Variants in AGBL1 observed in about 807,000 individuals in gnomAD.
The protein encoded by AGBL1 is AGBL carboxypeptidase 1.
A neutral mutation model predicts 118.9 loss-of-function variants in AGBL1; 130 were observed. The ratio of observed to expected loss-of-function variants is 1.09; its 90% CI spans 0.95 to 1.26. The LOEUF (loss-of-function observed/expected upper bound fraction) is 1.26, where lower values mean the gene tolerates loss of function less well. AGBL1 is among the 50% of genes most tolerant of loss of function. The pLI, the probability that AGBL1 is intolerant of heterozygous loss-of-function variation, is 0.00. For missense variants in AGBL1, 1,584 were observed against 1,298.1 expected (o/e 1.22, Z -3.38); for synonymous variants, 555 against 478.9 (o/e 1.16, Z -2.08).
intron 17 of AGBL1, among the ~76,000 whole-genome samples, chr15:86,327,230 C>T (rs2080197783): frequency 6.6e-6 from 1 of 152,092 alleles, no homozygotes; most frequent in South Asian, 2.1e-4. Context: ...GTGTGCATGA[C>T]AAGGGAGTGG....
chr15:86,210,784 T>G (rs1324032697), intron 5 of AGBL1, among the ~76,000 whole-genome samples: 1 of 152,168 alleles, frequency 6.6e-6, no homozygotes, highest in East Asian at 1.9e-4. Context: ...TCAGGGAAGT[T>G]TGTTATTACT....
At chr15:86,355,791 G>C (rs527837715) in intron 17 of AGBL1, among the ~76,000 whole-genome samples, 1 of 152,092 alleles carries the variant, frequency 6.6e-6, no homozygotes, top group Non-Finnish European at 1.5e-5. Context: ...ATCAACACTG[G>C]GCCTATCCTT....
intron 17 of AGBL1, among the ~76,000 whole-genome samples, chr15:86,376,231 C>G (rs2081039551): frequency 6.6e-6 from 1 of 152,146 alleles, no homozygotes; most frequent in Non-Finnish European, 1.5e-5. Context: ...AGAAGAAGGT[C>G]AGTGTTAGGG....
intron 21 of AGBL1, among the ~76,000 whole-genome samples, chr15:86,618,197 G>A (rs2084757425): frequency 6.6e-6 from 1 of 152,074 alleles, no homozygotes; most frequent in South Asian, 2.1e-4. Context: ...TTTAAATAAA[G>A]AAACAGGAGG....
At chr15:86,710,296 T>G (rs1038526502) in intron 22 of AGBL1, among the ~76,000 whole-genome samples, 2 of 152,166 alleles carry the variant, frequency 1.3e-5, no homozygotes, top group Non-Finnish European at 2.9e-5. Flanking sequence ...GATTAGAGAA[T>G]TCATCGCTTT....
chr15:86,104,023 C>T (rs779800876), intron 1 of AGBL1, among the ~76,000 whole-genome samples: 3 of 152,232 alleles, frequency 2.0e-5, no homozygotes, highest in Admixed American at 6.5e-5. Flanking sequence ...GAGGGCCAGT[C>T]TTGAGGCACA....
chr15:86,502,869 T>G (rs1014653446), intron 18 of AGBL1, among the ~76,000 whole-genome samples: 1 of 151,478 alleles, frequency 6.6e-6, no homozygotes, highest in African/African-American at 2.4e-5. Flanking sequence ...AGGGACACTG[T>G]TCTGTAGCTT....
chr15:86,717,747 T>C (rs1175778317), intron 22 of AGBL1, among the ~76,000 whole-genome samples: 1 of 152,098 alleles, frequency 6.6e-6, no homozygotes, highest in African/African-American at 2.4e-5. Context: ...GATTATAGTA[T>C]CACAGCCATA....
chr15:86,773,100 T>C (rs149474673), intron 22 of AGBL1, among the ~76,000 whole-genome samples: 1 of 152,202 alleles, frequency 6.6e-6, no homozygotes, highest in East Asian at 1.9e-4. Flanking sequence ...TCTTGGCTTT[T>C]TGTCCATGGT....
exon 25 of AGBL1, chr15:87,028,923 C>A (rs1389016406): frequency 2.1e-6 from 3 of 1,452,870 alleles, no homozygotes; most frequent in African/African-American, 2.8e-5. Context: ...ATATCTGAAA[C>A]CTTCAAGATG....
At chr15:86,424,856 G>C (rs1246865073) in intron 18 of AGBL1, among the ~76,000 whole-genome samples, 2 of 152,188 alleles carry the variant, frequency 1.3e-5, no homozygotes, top group Non-Finnish European at 2.9e-5. Flanking sequence ...TCTCATGCCA[G>C]TTAGACTGGC....
intron 21 of AGBL1, among the ~76,000 whole-genome samples, chr15:86,658,657 G>A (rs1206752693): frequency 6.6e-6 from 1 of 152,178 alleles, no homozygotes; most frequent in East Asian, 1.9e-4. Context: ...ATAGGTATCA[G>A]CAACACTCAG....
chr15:86,868,603 G>C (rs2079672344), intron 22 of AGBL1, among the ~76,000 whole-genome samples: 1 of 152,190 alleles, frequency 6.6e-6, no homozygotes, highest in African/African-American at 2.4e-5. Context: ...GGCGTGTAAA[G>C]CATTCGTGAA....
chr15:86,704,870 T>G (rs1221714336), intron 22 of AGBL1, among the ~76,000 whole-genome samples: 1 of 152,158 alleles, frequency 6.6e-6, no homozygotes, highest in African/African-American at 2.4e-5. Flanking sequence ...TAGCAAAGAC[T>G]TGGAACCAAC....
intron 1 of AGBL1, among the ~76,000 whole-genome samples, chr15:86,134,413 G>A (rs970997900): frequency 3.9e-5 from 6 of 152,148 alleles, no homozygotes; most frequent in African/African-American, 9.7e-5. Context: ...TTATGGGCTT[G>A]TTCTTTCAGT....
chr15:86,987,945 A>G, intron 23 of AGBL1: 1 of 1,592,352 alleles, frequency 6.3e-7, no homozygotes. Flanking sequence ...ACTATGGTTT[A>G]TTTTCACCAA....
At chr15:86,752,048 A>G (rs1376766752) in intron 22 of AGBL1, among the ~76,000 whole-genome samples, 1 of 152,132 alleles carries the variant, frequency 6.6e-6, no homozygotes, top group Admixed American at 6.6e-5. Context: ...TATGGAATAA[A>G]TTAGCTTTCA....
intron 22 of AGBL1, among the ~76,000 whole-genome samples, chr15:86,896,135 A>G (rs986695081): frequency 1.3e-5 from 2 of 151,932 alleles, no homozygotes; most frequent in African/African-American, 2.4e-5. Flanking sequence ...TTTTTTCCCA[A>G]AAAAATCTTT....
At chr15:86,419,200 TAGCTCCTACCGAGATCAAC>T (rs2081748940) in intron 18 of AGBL1, among the ~76,000 whole-genome samples, 1 of 81,412 alleles carries the variant, frequency 1.2e-5, no homozygotes, top group African/African-American at 4.8e-5. Flanking sequence ...CTCCGGTCTA[TAGCTCCTACCGAGATCAAC>T]ACAGAAGGCA....
Sources: gnomAD v4.1 joint callset for allele counts (sites outside exome capture counted in the v4.1 genomes callset) on GRCh38, gnomAD v4.1.1 for gene constraint, MANE v1.5 for transcripts, NCBI Gene and HGNC (gene_info 2026-07-23, HGNC 2026-07-21) for gene names.